The following ZBTB20 variants were observed in gnomAD, a reference collection of about 807,000 sequenced individuals.
ZBTB20 encodes the protein zinc finger and BTB domain-containing protein 20.
ZBTB20 carries 9 observed loss-of-function variants against 56.9 expected under a neutral mutation model. That is an observed-to-expected ratio of 0.16 (90% CI 0.10 to 0.28). ZBTB20 has a LOEUF of 0.28. Ranked by LOEUF, ZBTB20 falls within the 10% of genes least tolerant of loss-of-function variation. The probability of loss-of-function intolerance (pLI) is 1.00; values close to 1 mark genes in which losing one functional copy is unlikely to be tolerated. For missense variants in ZBTB20, 655 were observed against 1,003.0 expected, an observed-to-expected ratio of 0.65 and a Z score of 4.69; for synonymous variants, 417 against 420.7, an observed-to-expected ratio of 0.99 and a Z score of 0.11.
In ZBTB20 at chr3:114,321,438, T is replaced by C. The variant is rs917433370; in HGVS notation, c.*17567A>G. ...CATGCTTATTGGCCTCCTGGAGGGC[T>C]GGGTGGTTCTGGAGGGTCCCTCCCC... is the stretch of plus-strand genomic sequence containing the variant. On this transcript the variant is annotated 3_prime_UTR_variant, in exon 12 of 12. Transcript: ENST00000675478. 2.0e-5 allele frequency: 3 copies of C among 152,324 alleles called. No individual in the cohort carries two copies. Among genetic ancestry groups the C allele is most frequent in the Non-Finnish European group, 4.4e-5 (3 of 68,118 alleles). 9.4% of individuals were successfully genotyped at this position (152,324 alleles called of 1,614,324 possible).
At chr3:114,948,626 C>CTT (rs1265711449) in intron 3 of ZBTB20, among the ~76,000 whole-genome samples, 1 of 145,164 alleles carries the variant, frequency 6.9e-6, no homozygotes, top group Non-Finnish European at 1.5e-5. Flanking sequence ...CTCTCTCTCT[C>CTT]TCTCTGTGTC....
intron 6 of ZBTB20, among the ~76,000 whole-genome samples, chr3:114,608,505 A>G (rs2057329613): frequency 6.6e-6 from 1 of 152,224 alleles, no homozygotes; most frequent in Admixed American, 6.5e-5. Flanking sequence ...AAAACTTTGT[A>G]CAATAGCTAA....
chr3:114,544,678 A>AT (rs1002494737), intron 6 of ZBTB20, among the ~76,000 whole-genome samples: 15 of 151,250 alleles, frequency 9.9e-5, no homozygotes, highest in African/African-American at 3.6e-4. Context: ...TAATTTTTGT[A>AT]TTTTTTTGTA....
intron 6 of ZBTB20, among the ~76,000 whole-genome samples, chr3:114,602,820 G>T (rs752967511): frequency 6.6e-6 from 1 of 151,852 alleles, no homozygotes; most frequent in Non-Finnish European, 1.5e-5. Flanking sequence ...ATTATGTCAC[G>T]GACGAATTTT....
intron 7 of ZBTB20, among the ~76,000 whole-genome samples, chr3:114,479,075 GC>G (rs1190931831): frequency 1.7e-4 from 24 of 138,712 alleles, no homozygotes; most frequent in African/African-American, 4.7e-4. Flanking sequence ...TTGGGGGGGG[GC>G]CACAGTAGGG....
chr3:114,470,408 G>A (rs1445938838), intron 7 of ZBTB20, among the ~76,000 whole-genome samples: 1 of 152,064 alleles, frequency 6.6e-6, no homozygotes, highest in Non-Finnish European at 1.5e-5. Context: ...ATAGTAGTTA[G>A]TTTTTTATTT....
At chr3:114,346,805 C>T (rs987952863) in intron 11 of ZBTB20, among the ~76,000 whole-genome samples, 3 of 151,464 alleles carry the variant, frequency 2.0e-5, no homozygotes, top group Non-Finnish European at 4.4e-5. Context: ...CCCATTTCAG[C>T]GTCCCAAGTA....
At chr3:114,821,726 T>A (rs1449462918) in intron 4 of ZBTB20, among the ~76,000 whole-genome samples, 1 of 152,094 alleles carries the variant, frequency 6.6e-6, no homozygotes, top group Non-Finnish European at 1.5e-5. Flanking sequence ...GACTGCCCTC[T>A]GGCCAAATAC....
chr3:115,065,481 A>G (rs1348570261), intron 2 of ZBTB20, among the ~76,000 whole-genome samples: 2 of 152,150 alleles, frequency 1.3e-5, no homozygotes, highest in East Asian at 1.9e-4. Flanking sequence ...TCTCTTTAAT[A>G]TGTTGCTTCC....
chr3:114,624,360 A>AAC lies in ZBTB20; in HGVS notation c.-295+69167_-295+69168insGT, dbSNP rs1296056730. On this transcript the variant is annotated intron_variant, in intron 6 of 11. Transcript: ENST00000675478. ...TAAATAAACAACAGTAAGAGAAACA[A>AAC]AAAAAAAAAAAACCCATCCCGTCCT... 1.2e-3 allele frequency among the ~76,000 whole-genome samples: 176 copies of AAC among 148,614 alleles called. 2 individuals carry two copies. The highest frequency in any genetic ancestry group is 5.9e-3 in the East Asian group (30 of 5,078).
At chr3:114,836,744 A>G (rs1259235827) in intron 4 of ZBTB20, among the ~76,000 whole-genome samples, 1 of 152,078 alleles carries the variant, frequency 6.6e-6, no homozygotes, top group African/African-American at 2.4e-5. Context: ...CAAAAATCAC[A>G]ATTATCTCTT....
At chr3:114,380,597 G>T (rs1039049275) in intron 9 of ZBTB20, among the ~76,000 whole-genome samples, 180 bp downstream of exon 9, 1 of 151,938 alleles carries the variant, frequency 6.6e-6, no homozygotes, top group African/African-American at 2.4e-5. Context: ...GGGAACACAT[G>T]AAAGCATATG....
intron 7 of ZBTB20, among the ~76,000 whole-genome samples, chr3:114,450,010 G>A (rs2091503534): frequency 6.6e-6 from 1 of 152,134 alleles, no homozygotes; most frequent in Non-Finnish European, 1.5e-5. Context: ...AAGGAAAGTT[G>A]AACAGTACTT....
At chr3:114,355,880 G>A (rs2081198762) in intron 10 of ZBTB20, among the ~76,000 whole-genome samples, 1 of 150,280 alleles carries the variant, frequency 6.7e-6, no homozygotes, top group Non-Finnish European at 1.5e-5. Flanking sequence ...CCTATCAACT[G>A]TACAAAACCA....
intron 7 of ZBTB20, among the ~76,000 whole-genome samples, chr3:114,395,033 A>G (rs951724480): frequency 1.3e-5 from 2 of 152,192 alleles, no homozygotes; most frequent in Non-Finnish European, 2.9e-5. Flanking sequence ...GAGAAATTCA[A>G]TGAGCTTTAC....
At chr3:114,533,640 C>A (rs2048122269) in intron 6 of ZBTB20, among the ~76,000 whole-genome samples, 1 of 152,040 alleles carries the variant, frequency 6.6e-6, no homozygotes, top group Non-Finnish European at 1.5e-5. Context: ...ACAGAGAACA[C>A]CACAAAGATG....
rs150974347 is a variant in ZBTB20 at position 114,339,153 on chromosome 3, G to A, written c.2078C>T (p.Ala693Val). Reference protein sequence around the residue: ...LHSASNGTPPAGTPPGARAGP... With the variant: ...LHSASNGTPPVGTPPGARAGP... ...AGCGCGGGCACCTGGGGGTGTGCCT[G>A]CAGGGGGGGTCCCATTGCTGGCACT... Residue 693 changes from alanine to valine, a missense_variant, in exon 12 of 12, where the codon GCA becomes GTA. Ala to Val is a moderately conservative substitution (Grantham distance 64). This residue lies in a region of ZBTB20 where 89 missense variants were observed against 79.7 expected (regional missense o/e 1.12). Coordinates refer to ENST00000675478, the MANE Select transcript of ZBTB20 (RefSeq NM_001348800.3). This position sits in a 1 kb window ranked among gnomAD's most constrained non-coding sequence, Gnocchi z 4.2. 2.8e-4 allele frequency: 446 copies of A among 1,613,960 alleles called. 1 individual carries two copies. In the African/African-American group the frequency reaches 5.1e-3, roughly 18 times the overall value.
chr3:114,685,269 C>T (rs1578332992), intron 6 of ZBTB20, among the ~76,000 whole-genome samples: 2 of 152,182 alleles, frequency 1.3e-5, no homozygotes, highest in East Asian at 3.9e-4. Flanking sequence ...TGAGAATGTT[C>T]ACCGCTCTGG....
chr3:114,319,346 C>G lies in ZBTB20; in HGVS notation c.*19659G>C, dbSNP rs1438180093. The G allele has an allele frequency of 2.6e-5, 4 of 152,032 alleles. No individual in the cohort carries two copies. In the South Asian group the frequency reaches 8.3e-4, roughly 32 times the overall value. 9.4% of individuals were successfully genotyped at this position (152,032 alleles called of 1,614,324 possible). ...CTAAACATTAACCTTCAGTCTAGGGCACAATTATTTATTGATTTAAATGTC... is the reference window on the plus strand; with the variant it reads ...CTAAACATTAACCTTCAGTCTAGGGGACAATTATTTATTGATTTAAATGTC... On this transcript the variant is annotated 3_prime_UTR_variant, in exon 12 of 12. Coordinates refer to ENST00000675478, the MANE Select transcript of ZBTB20 (RefSeq NM_001348800.3).
Sources: gnomAD v4.1 joint callset for allele counts (sites outside exome capture counted in the v4.1 genomes callset) on GRCh38, gnomAD v4.1.1 for gene constraint, gnomAD v4.1.1 regional missense constraint, Gnocchi (gnomAD v3.1) non-coding constraint, MANE v1.5 for transcripts, NCBI Gene and HGNC (gene_info 2026-07-23, HGNC 2026-07-21) for gene names.